FGF14: variants seen among roughly 807,000 people sequenced by gnomAD.
FGF14 encodes fibroblast growth factor homologous factor 4.
In FGF14, 5 loss-of-function variants were observed where a neutral mutation model predicts 25.5. That is an observed-to-expected ratio of 0.20 (90% CI 0.10 to 0.41). FGF14 has a LOEUF of 0.41. Ranked by LOEUF, FGF14 falls within the 10% of genes least tolerant of loss-of-function variation. The probability of loss-of-function intolerance (pLI) is 1.00; values close to 1 mark genes in which losing one functional copy is unlikely to be tolerated. For synonymous variants in FGF14, 138 were observed against 118.3 expected (o/e 1.17, Z -1.08); for missense variants, 222 against 320.1 (o/e 0.69, Z 2.34).
At chr13:102,105,459 G>C (rs942260992) in intron 1 of FGF14, among the ~76,000 whole-genome samples, 1 of 151,970 alleles carries the variant, frequency 6.6e-6, no homozygotes, top group Non-Finnish European at 1.5e-5. Context: ...GAAAAAATGG[G>C]GGAAAAATCT....
At chr13:102,029,265 G>A (rs2041090738) in intron 1 of FGF14, among the ~76,000 whole-genome samples, 2 of 152,024 alleles carry the variant, frequency 1.3e-5, no homozygotes, top group Non-Finnish European at 2.9e-5. Flanking sequence ...ATTTACTGCT[G>A]CTAAATGTAG....
chr13:102,390,591 C>T (rs991527527), intron 1 of FGF14, among the ~76,000 whole-genome samples: 1 of 152,180 alleles, frequency 6.6e-6, no homozygotes, highest in African/African-American at 2.4e-5. Flanking sequence ...TAGCTAGGTA[C>T]TCTCCAGTAA....
At chr13:102,015,490 TATC>T (rs1227694044) in intron 1 of FGF14, among the ~76,000 whole-genome samples, 2 of 152,234 alleles carry the variant, frequency 1.3e-5, no homozygotes, top group Non-Finnish European at 2.9e-5. Flanking sequence ...TAATTTTTCT[TATC>T]AACCATTGTT....
At chr13:101,961,556 TG>T (rs1364770759) in intron 1 of FGF14, among the ~76,000 whole-genome samples, 2 of 152,186 alleles carry the variant, frequency 1.3e-5, no homozygotes, top group East Asian at 1.9e-4. Context: ...TGATATGCTT[TG>T]GCTCTGTCCC....
At chr13:102,126,690 A>G (rs1443249066) in intron 1 of FGF14, among the ~76,000 whole-genome samples, 1 of 152,226 alleles carries the variant, frequency 6.6e-6, no homozygotes, top group Non-Finnish European at 1.5e-5. Context: ...TCACAATTTA[A>G]TAGTTAAATA....
intron 1 of FGF14, among the ~76,000 whole-genome samples, chr13:102,334,161 T>C (rs2056719722): frequency 6.6e-6 from 1 of 152,142 alleles, no homozygotes; most frequent in Non-Finnish European, 1.5e-5. Context: ...CACCCATTTA[T>C]CTCCTCTGTT....
In FGF14 at chr13:102,331,355, T is replaced by C. The variant is rs182174968; in HGVS notation, c.208+70116A>G. On this transcript the variant is annotated intron_variant, in intron 1 of 4. Coordinates refer to the FGF14 transcript ENST00000376131. ...GGATATTGGTATAATCCCAATAGCT[T>C]GGACCCATATTGGAAATGCTGTTCT... Among the ~76,000 whole-genome samples, 155 of 152,316 alleles carry C rather than the reference T, an allele frequency of 1.0e-3. 2 individuals carry two copies. The highest frequency in any genetic ancestry group is 3.4e-3 in the African/African-American group (142 of 41,586).
At chr13:101,758,056 A>G (rs1476219096) in intron 3 of FGF14, among the ~76,000 whole-genome samples, 1 of 152,202 alleles carries the variant, frequency 6.6e-6, no homozygotes, top group African/African-American at 2.4e-5. Context: ...CAACCTGTGG[A>G]TTCTCTTGAA....
intron 1 of FGF14, among the ~76,000 whole-genome samples, chr13:102,109,032 A>G (rs964961997): frequency 3.9e-5 from 6 of 152,218 alleles, no homozygotes; most frequent in Non-Finnish European, 8.8e-5. Flanking sequence ...GTATATATGC[A>G]TGTACACATA....
intron 3 of FGF14, among the ~76,000 whole-genome samples, chr13:101,770,923 G>A (rs2038726706): frequency 6.6e-6 from 1 of 151,830 alleles, no homozygotes; most frequent in African/African-American, 2.4e-5. Context: ...GTAACAAAAT[G>A]CACAGATTTA....
intron 1 of FGF14, among the ~76,000 whole-genome samples, chr13:102,137,447 G>A (rs544094512): frequency 1.2e-4 from 18 of 152,240 alleles, no homozygotes; most frequent in African/African-American, 4.3e-4. Context: ...ATGCAACCAA[G>A]TTGTTTGGTC....
chr13:102,015,230 C>G (rs1368236238), intron 1 of FGF14, among the ~76,000 whole-genome samples: 1 of 152,144 alleles, frequency 6.6e-6, no homozygotes, highest in Non-Finnish European at 1.5e-5. Context: ...TGAGAAACAT[C>G]AGCAGAATTT....
chr13:102,013,167 G>GAAACAAAC (rs2139813758), intron 1 of FGF14, among the ~76,000 whole-genome samples: 1 of 151,848 alleles, frequency 6.6e-6, no homozygotes, highest in East Asian at 1.9e-4. Flanking sequence ...ACACACAAAA[G>GAAACAAAC]AAACAAACAA....
intron 1 of FGF14, among the ~76,000 whole-genome samples, chr13:101,969,290 G>A (rs1010128340): frequency 4.6e-5 from 7 of 152,202 alleles, no homozygotes; most frequent in Admixed American, 1.3e-4. Flanking sequence ...TAGGCTGGGT[G>A]CAGTGGCTCA....
chr13:102,323,824 T>A (rs1201836147), intron 1 of FGF14, among the ~76,000 whole-genome samples: 1 of 152,164 alleles, frequency 6.6e-6, no homozygotes, highest in Non-Finnish European at 1.5e-5. Context: ...AATTTGCTGC[T>A]CTCCCACTTG....
intron 1 of FGF14, among the ~76,000 whole-genome samples, chr13:101,947,808 AC>A (rs1183862605): frequency 4.6e-5 from 7 of 152,218 alleles, no homozygotes; most frequent in African/African-American, 1.7e-4. Context: ...ACAAACCTGT[AC>A]ATGTACCCCT....
At chr13:102,162,905 G>A (rs537937152) in intron 1 of FGF14, among the ~76,000 whole-genome samples, 7 of 152,184 alleles carry the variant, frequency 4.6e-5, no homozygotes, top group South Asian at 2.1e-4. Context: ...GGTTAGCAGC[G>A]TCCCCCTCAT....
At chr13:101,914,076 G>A (rs1054205648) in intron 1 of FGF14, among the ~76,000 whole-genome samples, 1 of 151,904 alleles carries the variant, frequency 6.6e-6, no homozygotes, top group Non-Finnish European at 1.5e-5. Flanking sequence ...AGACTTAAAG[G>A]TTGTATCTTT....
intron 1 of FGF14, among the ~76,000 whole-genome samples, chr13:101,964,469 G>T (rs1368440029): frequency 3.9e-5 from 6 of 152,048 alleles, no homozygotes; most frequent in African/African-American, 4.8e-5. Flanking sequence ...GCTTTGCAAG[G>T]GCTGAGGACT....
Sources: gnomAD v4.1 joint callset for allele counts (sites outside exome capture counted in the v4.1 genomes callset) on GRCh38, gnomAD v4.1.1 for gene constraint, MANE v1.5 for transcripts, NCBI Gene and HGNC (gene_info 2026-07-23, HGNC 2026-07-21) for gene names.